Variants in SYNE2 observed in about 807,000 individuals in gnomAD.
SYNE2 encodes nesprin-2.
A neutral mutation model predicts 856.3 loss-of-function variants in SYNE2; 431 were observed. The ratio of observed to expected loss-of-function variants is 0.50; its 90% CI spans 0.47 to 0.55. SYNE2 has a LOEUF of 0.55. Among genes scored for constraint, SYNE2 ranks in the 20% least tolerant of loss-of-function variants. The pLI is 0.00. For missense variants in SYNE2, 8,129 were observed against 8,023.2 expected (o/e 1.01, Z -0.50); for synonymous variants, 2,923 against 2,872.3 (o/e 1.02, Z -0.56).
rs1169650366 is a variant in SYNE2, at chr14:63,982,610, G to C, written c.1837-20G>C. On this transcript the variant is annotated intron_variant, in intron 16 of 115. Coordinates refer to ENST00000555002, the MANE Select transcript of SYNE2 (RefSeq NM_182914.3). ...CAATATCGTGTCATTAAGATAGTGT[G>C]TTGCTTGTGTATCATGTAGGTACCC... 2 of 1,609,266 alleles carry C rather than the reference G, an allele frequency of 1.2e-6. No individual in the cohort carries two copies. The highest frequency in any genetic ancestry group is 3.3e-5 in the Admixed American group (2 of 59,886).
intron 1 of SYNE2, among the ~76,000 whole-genome samples, chr14:63,855,719 A>G (rs776487155): frequency 4.6e-5 from 7 of 152,162 alleles, no homozygotes; most frequent in African/African-American, 1.2e-4. Flanking sequence ...ACTTATGGCT[A>G]TATCATATGT....
chr14:64,028,422 A>AT (rs1392120752), intron 43 of SYNE2, among the ~76,000 whole-genome samples: 1 of 151,732 alleles, frequency 6.6e-6, no homozygotes, highest in African/African-American at 2.4e-5. Context: ...CACCCAGCTA[A>AT]TTTTTTTATT....
intron 1 of SYNE2, among the ~76,000 whole-genome samples, chr14:63,860,813 A>G (rs1393717065): frequency 6.6e-6 from 1 of 152,184 alleles, no homozygotes; most frequent in Non-Finnish European, 1.5e-5. Flanking sequence ...GCCACTTGTA[A>G]GCTGTCTAGA....
At chr14:64,163,819 A>G (rs949562179) in intron 89 of SYNE2, among the ~76,000 whole-genome samples, 8 of 152,198 alleles carry the variant, frequency 5.3e-5, no homozygotes, top group African/African-American at 7.2e-5. Context: ...TATTGCATAC[A>G]TTGTTCAGAT....
chr14:63,880,437 A>T, intron 1 of SYNE2, among the ~76,000 whole-genome samples: 1 of 152,226 alleles, frequency 6.6e-6, no homozygotes, highest in East Asian at 1.9e-4. Flanking sequence ...TTTTTCATTT[A>T]GAAGATGAGG....
At chr14:63,979,970 A>G (rs988053760) in intron 14 of SYNE2, among the ~76,000 whole-genome samples, 5 of 152,206 alleles carry the variant, frequency 3.3e-5, no homozygotes, top group African/African-American at 1.2e-4. Context: ...TATTGTAAAA[A>G]TTTAAAAAAA....
intron 96 of SYNE2, among the ~76,000 whole-genome samples, chr14:64,183,543 A>G (rs892835903): frequency 1.3e-5 from 2 of 152,144 alleles, no homozygotes; most frequent in Admixed American, 1.3e-4. Context: ...CAGTCTCGGC[A>G]CTTTGGGAGG....
chr14:63,963,767 A>G, intron 9 of SYNE2, 132 bp from the exon 10 acceptor site: 1 of 683,410 alleles, frequency 1.5e-6, no homozygotes, highest in Non-Finnish European at 2.7e-6. Context: ...AAGTGAAATT[A>G]CTCTTTGGCA....
intron 110 of SYNE2, 152 bp from the exon 111 acceptor site, chr14:64,220,285 T>C: frequency 1.1e-6 from 1 of 880,630 alleles, no homozygotes; most frequent in Non-Finnish European, 1.8e-6. Flanking sequence ...CCTCACCTGA[T>C]GCTTTCCAGC....
chr14:63,974,312 G>C (rs1044481454), intron 11 of SYNE2, among the ~76,000 whole-genome samples: 8 of 152,070 alleles, frequency 5.3e-5, no homozygotes, highest in African/African-American at 1.9e-4. Context: ...TTCTGGTGAG[G>C]GCCTTAGGCT....
intron 6 of SYNE2, among the ~76,000 whole-genome samples, chr14:63,946,141 G>T (rs1242840319): frequency 1.3e-5 from 2 of 152,030 alleles, no homozygotes; most frequent in African/African-American, 2.4e-5. Flanking sequence ...TATATTCTAG[G>T]CTGGGTGCAG....
chr14:63,998,790 T>C (rs2096732404), intron 26 of SYNE2, 124 bp from the exon 27 acceptor site: 1 of 1,032,836 alleles, frequency 9.7e-7, no homozygotes, highest in African/African-American at 1.6e-5. Flanking sequence ...CTCAAACTCC[T>C]GACCTCAGGC....
chr14:63,766,777 A>C (rs550576937), intron 1 of SYNE2, among the ~76,000 whole-genome samples: 139 of 152,160 alleles, frequency 9.1e-4, no homozygotes, highest in African/African-American at 3.2e-3. Context: ...TCTAAAGAAA[A>C]CCTCTCTGGG....
chr14:64,140,686 A>C (rs890844033), intron 80 of SYNE2, among the ~76,000 whole-genome samples: 3 of 152,344 alleles, frequency 2.0e-5, no homozygotes, highest in Non-Finnish European at 4.4e-5. Flanking sequence ...AACATTAATA[A>C]ATGCATAGTT....
At chr14:63,975,446 C>T (rs913356078) in intron 11 of SYNE2, among the ~76,000 whole-genome samples, 2 of 152,158 alleles carry the variant, frequency 1.3e-5, no homozygotes, top group African/African-American at 4.8e-5. Flanking sequence ...GATCCTCCCA[C>T]CTCAGTCTCT....
At chr14:63,765,308 T>C (rs1886629588) in intron 1 of SYNE2, among the ~76,000 whole-genome samples, 3 of 152,174 alleles carry the variant, frequency 2.0e-5, no homozygotes, top group Non-Finnish European at 4.4e-5. Context: ...CTTTTTTGCT[T>C]TTTGCTAAGA....
At chr14:64,134,701 A>G (rs1488330251) in intron 78 of SYNE2, among the ~76,000 whole-genome samples, 1 of 152,144 alleles carries the variant, frequency 6.6e-6, no homozygotes, top group African/African-American at 2.4e-5. Flanking sequence ...CTCAGGCCGG[A>G]CACGATGGCT....
intron 10 of SYNE2, among the ~76,000 whole-genome samples, chr14:63,964,601 C>T (rs1387691292): frequency 1.3e-5 from 2 of 151,818 alleles, no homozygotes; most frequent in African/African-American, 4.8e-5. Context: ...CTTGGCTCAC[C>T]GCAGCCGCCA....
At chr14:64,029,006 C>T (rs1343615025) in intron 43 of SYNE2, among the ~76,000 whole-genome samples, 2 of 152,132 alleles carry the variant, frequency 1.3e-5, no homozygotes, top group East Asian at 1.9e-4. Flanking sequence ...CATGGTGGCA[C>T]GCGCCTGTAG....
Sources: allele counts gnomAD v4.1 joint callset (sites outside exome capture counted in the v4.1 genomes callset), GRCh38; gene constraint gnomAD v4.1.1; transcripts MANE v1.5; gene names NCBI Gene and HGNC (gene_info 2026-07-23, HGNC 2026-07-21).